Variants in CACNA1E observed in about 807,000 individuals in gnomAD.
The protein encoded by CACNA1E is calcium voltage-gated channel subunit alpha1 E.
A neutral mutation model predicts 259.2 loss-of-function variants in CACNA1E; 40 were observed. That is an observed-to-expected ratio of 0.15 (90% confidence interval 0.12 to 0.20). The LOEUF (loss-of-function observed/expected upper bound fraction) is 0.20. Among genes scored for constraint, CACNA1E ranks in the 10% least tolerant of loss-of-function variants. The probability of loss-of-function intolerance (pLI) is 1.00; values close to 1 mark genes in which losing one functional copy is unlikely to be tolerated. For missense variants in CACNA1E, 1,874 were observed against 3,040.1 expected, an observed-to-expected ratio of 0.62 and a Z score of 9.02; for synonymous variants, 1,104 against 1,138.5, an observed-to-expected ratio of 0.97 and a Z score of 0.61.
At chr1:181,598,882 C>T (rs1042228012) in intron 6 of CACNA1E, among the ~76,000 whole-genome samples, 4 of 152,110 alleles carry the variant, frequency 2.6e-5, no homozygotes, top group Admixed American at 6.5e-5. Context: ...GACTGCTAGC[C>T]GTCTAGGCTC....
chr1:181,796,764 C>T lies in CACNA1E; in HGVS notation c.6305C>T (p.Ser2102Leu), dbSNP rs772962483. The T allele has an allele frequency of 6.2e-7, 1 of 1,613,100 alleles. No individual in the cohort carries two copies. The highest frequency in any genetic ancestry group is 8.5e-7 in the Non-Finnish European group (1 of 1,179,524). The change falls in exon 47 of 48, where the codon TCA becomes TTA. Residue 2102 changes from serine to leucine, a missense_variant. By Grantham distance (145) the Ser-to-Leu change is moderately radical. Around this residue, in one of 14 missense-constraint regions of CACNA1E, gnomAD observed 542 missense variants for 587.2 expected, o/e 0.92. Transcript: ENST00000367573. The stretch of plus-strand genomic sequence containing the variant: ...TCTCCTGATGTCTCCCGCTGCAATT[C>T]AGAAGAGCGAGGGACCCAGGCTGAC... ...LLSPDVSRCN[S>L]EERGTQADWE...
intron 3 of CACNA1E, 86 bp from the exon 4 acceptor site, chr1:181,577,680 G>A (rs927372241): frequency 3.6e-6 from 3 of 833,158 alleles, no homozygotes; most frequent in East Asian, 2.7e-5. Flanking sequence ...TTTCCAGGCT[G>A]AGCTTGCCTC....
At chr1:181,494,282 C>A (rs879652794) in intron 1 of CACNA1E, among the ~76,000 whole-genome samples, 1 of 150,978 alleles carries the variant, frequency 6.6e-6, no homozygotes, top group Admixed American at 6.6e-5. Flanking sequence ...GCATTTAACA[C>A]ATTAGTTTGA....
At chr1:181,440,712 C>T (rs1242189085) in intron 2 of CACNA1E, among the ~76,000 whole-genome samples, 1 of 152,102 alleles carries the variant, frequency 6.6e-6, no homozygotes, top group African/African-American at 2.4e-5. Context: ...CCTGTAAACT[C>T]AGCACTTCGG....
At chr1:181,388,125 G>A (rs556522478) in intron 1 of CACNA1E, among the ~76,000 whole-genome samples, 1 of 152,288 alleles carries the variant, frequency 6.6e-6, no homozygotes, top group South Asian at 2.1e-4. Flanking sequence ...AGCACCCAGC[G>A]GTGGTCTTAG....
chr1:181,702,755 T>G (rs1214107226), intron 7 of CACNA1E, among the ~76,000 whole-genome samples: 1 of 152,082 alleles, frequency 6.6e-6, no homozygotes, highest in African/African-American at 2.4e-5. Flanking sequence ...TCCTCACATC[T>G]CTCATGTCAT....
chr1:181,454,985 TTGA>T (rs1558017340), intron 2 of CACNA1E, among the ~76,000 whole-genome samples: 1 of 152,246 alleles, frequency 6.6e-6, no homozygotes, highest in Non-Finnish European at 1.5e-5. Flanking sequence ...TTTGTACTTG[TTGA>T]TGATAACATT....
intron 6 of CACNA1E, among the ~76,000 whole-genome samples, chr1:181,631,720 C>T (rs1656762437): frequency 6.6e-6 from 1 of 152,168 alleles, no homozygotes; most frequent in African/African-American, 2.4e-5. Flanking sequence ...AGATCTTCAG[C>T]TTCCAGGGAT....
chr1:181,673,220 GTA>G (rs1158172778), intron 7 of CACNA1E, among the ~76,000 whole-genome samples: 4 of 48,002 alleles, frequency 8.3e-5, no homozygotes, highest in South Asian at 5.7e-4. Context: ...ATGTATATGA[GTA>G]TGTGTGTGTG....
chr1:181,666,500 T>G (rs73043417), intron 7 of CACNA1E, among the ~76,000 whole-genome samples: 2,268 of 152,222 alleles, frequency 0.015, 44 homozygotes, highest in African/African-American at 0.047. Context: ...TTTCTCCACT[T>G]TAGTCTTTAA....
chr1:181,361,854 T>C (rs1653907775), intron 1 of CACNA1E, among the ~76,000 whole-genome samples: 1 of 152,250 alleles, frequency 6.6e-6, no homozygotes, highest in African/African-American at 2.4e-5. Context: ...AATGGTGGTA[T>C]GATTCCTTAG....
intron 1 of CACNA1E, among the ~76,000 whole-genome samples, chr1:181,391,389 G>A (rs750560620): frequency 1.1e-4 from 16 of 152,198 alleles, no homozygotes; most frequent in Non-Finnish European, 1.6e-4. Context: ...AGATTTGGTT[G>A]CATAGGTACA....
intron 2 of CACNA1E, among the ~76,000 whole-genome samples, chr1:181,422,401 T>C (rs1340876864): frequency 6.6e-6 from 1 of 152,242 alleles, no homozygotes; most frequent in Non-Finnish European, 1.5e-5. Context: ...ACCTGGCCTC[T>C]GATAGCCCTA....
chr1:181,501,911 G>GTTTT (rs569904853), intron 1 of CACNA1E, among the ~76,000 whole-genome samples: 64 of 152,054 alleles, frequency 4.2e-4, no homozygotes, highest in African/African-American at 1.4e-3. Context: ...GTTTTGTTTT[G>GTTTT]TTTTAAAAAA....
chr1:181,637,161 A>T (rs181588628), intron 6 of CACNA1E, among the ~76,000 whole-genome samples: 4 of 152,222 alleles, frequency 2.6e-5, no homozygotes, highest in African/African-American at 4.8e-5. Flanking sequence ...ATGAGAAAGC[A>T]GAATCTACCA....
rs149257256 is a variant in CACNA1E at position 181,769,763 on chromosome 1, T to C, written c.4882-1530T>C. On this transcript the variant is annotated intron_variant, in intron 35 of 47. Transcript: ENST00000367573. Reference sequence around the variant, plus strand: ...AGTGTCATAGGGAAAAAAGACACTGTAAGTTGTATGTCTGTGGTGAATCAG... The same window carrying C: ...AGTGTCATAGGGAAAAAAGACACTGCAAGTTGTATGTCTGTGGTGAATCAG... Among the ~76,000 whole-genome samples, 1,154 of 152,228 alleles carry C rather than the reference T, an allele frequency of 7.6e-3. 10 individuals carry two copies. The highest frequency in any genetic ancestry group is 0.014 in the Middle Eastern group (4 of 294).
At chr1:181,445,864 C>T (rs1289186043) in intron 2 of CACNA1E, among the ~76,000 whole-genome samples, 4 of 152,174 alleles carry the variant, frequency 2.6e-5, no homozygotes, top group African/African-American at 9.7e-5. Flanking sequence ...CACATGGCTC[C>T]AGAATTTCCA....
In CACNA1E at chr1:181,326,460, T is replaced by C. The variant is rs183751262; in HGVS notation, c.-15+8337T>C. On this transcript the variant is annotated intron_variant, in intron 1 of 11. Coordinates refer to the CACNA1E transcript ENST00000524607. ...CTGAGAAGGAGGCCTGGATACCTTA[T>C]GGTGTCTCATGGGTGCTCCCACTGC... Among the ~76,000 whole-genome samples the C allele has an allele frequency of 2.4e-4, 36 of 152,316 alleles. 1 individual carries two copies. The highest frequency in any genetic ancestry group is 1.4e-3 in the Admixed American group (21 of 15,308).
At chr1:181,570,502 AAC>A (rs1288674975) in intron 3 of CACNA1E, among the ~76,000 whole-genome samples, 1 of 152,234 alleles carries the variant, frequency 6.6e-6, no homozygotes, top group Non-Finnish European at 1.5e-5. Context: ...GGCTTAAAGC[AAC>A]ACGTGTATTT....
Sources: gnomAD v4.1 joint callset for allele counts (sites outside exome capture counted in the v4.1 genomes callset) on GRCh38, gnomAD v4.1.1 for gene constraint, gnomAD v4.1.1 regional missense constraint, MANE v1.5 for transcripts, NCBI Gene and HGNC (gene_info 2026-07-23, HGNC 2026-07-21) for gene names.